Variants in ERBB2 observed in about 807,000 individuals in gnomAD.
ERBB2 encodes the protein receptor tyrosine-protein kinase erbB-2.
A neutral mutation model predicts 149.0 loss-of-function variants in ERBB2; 61 were observed. The ratio of observed to expected loss-of-function variants is 0.41; its 90% CI spans 0.33 to 0.51. The LOEUF is 0.51. Ranked by LOEUF, ERBB2 falls within the 20% of genes least tolerant of loss-of-function variation. ERBB2 has a pLI of 0.25. For synonymous variants in ERBB2, 633 were observed against 678.8 expected (o/e 0.93, Z 1.05); for missense variants, 1,205 against 1,655.1 (o/e 0.73, Z 4.72).
upstream of ERBB2, among the ~76,000 whole-genome samples, chr17:39,698,460 C>T (rs1284781618): frequency 2.0e-5 from 3 of 151,996 alleles, no homozygotes; most frequent in African/African-American, 4.8e-5. Flanking sequence ...AGGGTTTCAC[C>T]GTGTTAGCCA....
At chr17:39,691,924 TATACATATAC>T (rs1465321874), upstream of ERBB2, among the ~76,000 whole-genome samples, 6 of 102,124 alleles carry the variant, frequency 5.9e-5, no homozygotes, top group South Asian at 4.1e-4. Context: ...TACATATACA[TATACATATAC>T]ATATATATAT....
In ERBB2 at chr17:39,724,869, G is replaced by A. The variant is rs768470177; in HGVS notation, c.2451G>A (p.Leu817=). The part of the protein sequence containing the change: ...LDHVRENRGR[L]GSQDLLNWCM... ...ATGTCCGGGAAAACCGCGGACGCCT[G>A]GGCTCCCAGGACCTGCTGAACTGGT... The change falls in exon 20 of 27, where the codon CTG becomes CTA. Residue 817 remains leucine, a synonymous_variant. Coordinates refer to ENST00000269571, the MANE Select transcript of ERBB2 (RefSeq NM_004448.4). 1.2e-6 allele frequency: 2 copies of A among 1,614,180 alleles called. No individual in the cohort carries two copies. Among genetic ancestry groups the A allele is most frequent in the Non-Finnish European group, 8.5e-7 (1 of 1,180,040 alleles).
chr17:39,711,938 T>G lies in ERBB2; in HGVS notation c.912T>G (p.Leu304=). ...TCCTGATCTCCTTAGACAACTACCT[T>G]TCTACGGACGTGGGATCCTGCACCC... ...SCVTACPYNY[L]STDVGSCTLV... is the part of the protein sequence containing the mutation. Residue 304 remains leucine (L), a synonymous_variant, in exon 8 of 27, where the codon CTT becomes CTG. Coordinates refer to ENST00000269571, the MANE Select transcript of ERBB2 (RefSeq NM_004448.4). 6.2e-7 allele frequency: 1 copy of G among 1,614,108 alleles called. No individual in the cohort carries two copies. Among genetic ancestry groups the G allele is most frequent in the Non-Finnish European group, 8.5e-7 (1 of 1,179,988 alleles).
chr17:39,716,218 C>G (rs1235523623), intron 12 of ERBB2, 83 bp from the exon 13 acceptor site: 1 of 1,450,410 alleles, frequency 6.9e-7, no homozygotes, highest in Non-Finnish European at 9.2e-7. Flanking sequence ...AGCCCACAGC[C>G]ATGCCCACAG....
At chr17:39,691,574 T>TATATAC (rs1244087250), upstream of ERBB2, among the ~76,000 whole-genome samples, 9 of 122,044 alleles carry the variant, frequency 7.4e-5, no homozygotes, top group African/African-American at 3.6e-4. Flanking sequence ...TATATATATA[T>TATATAC]ACACACACAC....
At chr17:39,694,262 T>TATATACAC (rs1567888141), upstream of ERBB2, among the ~76,000 whole-genome samples, 5 of 28,896 alleles carry the variant, frequency 1.7e-4, no homozygotes, top group African/African-American at 4.2e-4. Context: ...TATATATATA[T>TATATACAC]ATATATGTGT....
At chr17:39,719,711 G>A (rs761655689) in intron 15 of ERBB2, 76 bp from the exon 16 acceptor site, 77 of 1,464,978 alleles carry the variant, frequency 5.3e-5, no homozygotes, top group Non-Finnish European at 7.2e-5. Context: ...CCCCTCCCAG[G>A]GTTGTTGTGA....
upstream of ERBB2, chr17:39,696,453 G>C (rs1439664938): frequency 6.6e-6 from 1 of 152,280 alleles, no homozygotes; most frequent in Non-Finnish European, 1.5e-5. Flanking sequence ...GCGGGGGGGT[G>C]GAGAGTGAAG....
At chr17:39,721,526 G>A (rs9891211) in intron 16 of ERBB2, among the ~76,000 whole-genome samples, 1,554 of 152,184 alleles carry the variant, frequency 0.01, 20 homozygotes, top group African/African-American at 0.034. Context: ...CACCTGCCTC[G>A]GCCTCCCAAA....
At position 39,727,436 on chromosome 17, in the gene ERBB2, C is replaced by T. The variant is rs1364114001; in HGVS notation, c.3301C>T (p.Leu1101Phe). Residue 1101 changes from leucine (L) to phenylalanine (F), a missense_variant, in exon 26 of 27, where the codon CTC becomes TTC. Physicochemically the swap from Leu to Phe is conservative, Grantham distance 22. Around this residue, in one of 6 missense-constraint regions of ERBB2, gnomAD observed 312 missense variants for 343.8 expected, o/e 0.91. Transcript: ENST00000269571. The surrounding 1 kb of genome is among the most constrained non-coding windows in gnomAD (Gnocchi z 4.3). ...GMGAAKGLQSLPTHDPSPLQR... is the reference protein window; with the variant it reads ...GMGAAKGLQSFPTHDPSPLQR... ...GGGGGCAGCCAAGGGGCTGCAAAGC[C>T]TCCCCACACATGACCCCAGCCCTCT... is the stretch of plus-strand genomic sequence containing the variant. 7 of 1,611,538 alleles carry T rather than the reference C, an allele frequency of 4.3e-6. No individual in the cohort carries two copies. Among genetic ancestry groups the T allele is most frequent in the East Asian group, 2.2e-5 (1 of 44,856 alleles).
intron 1 of ERBB2, among the ~76,000 whole-genome samples, chr17:39,703,656 G>C (rs914842596): frequency 2.6e-5 from 4 of 152,238 alleles, no homozygotes; most frequent in Non-Finnish European, 4.4e-5. Context: ...AGATGAATCC[G>C]ATTTAGCTTC....
At position 39,700,125 on chromosome 17, in the gene ERBB2, C is replaced by G. The variant is rs2057993573; in HGVS notation, c.-114C>G. On this transcript the variant is annotated 5_prime_UTR_variant, in exon 1 of 27. Transcript: ENST00000269571. The stretch of plus-strand genomic sequence containing the variant: ...CCGGGCAGCCGCGCGCCCCTTCCCA[C>G]GGGGCCCTTTACTGCGCCGCGCGCC... 7.7e-7 allele frequency: 1 copy of G among 1,297,504 alleles called. No homozygotes were observed. Among genetic ancestry groups the G allele is most frequent in the South Asian group, 2.4e-5 (1 of 41,562 alleles). The allele number at this position is 1,297,504 out of a possible 1,614,324, so 80.4% of individuals were successfully genotyped here. A position where few individuals can be genotyped will look rare whatever the true frequency, so the allele number is the denominator to read the frequency against.
upstream of ERBB2, among the ~76,000 whole-genome samples, chr17:39,691,934 C>CATATACATATATATATATATATATATAT (rs564472045): frequency 4.1e-5 from 5 of 120,882 alleles, no homozygotes; most frequent in African/African-American, 1.4e-4. Context: ...TATACATATA[C>CATATACATATATATATATATATATATAT]ATATATATAT....
At position 39,728,422 on chromosome 17, in the gene ERBB2, C is replaced by G. The variant is rs1165818349; in HGVS notation, c.*378C>G. 3.7e-6 allele frequency: 1 copy of G among 267,056 alleles called. No homozygotes were observed. The highest frequency in any genetic ancestry group is 7.1e-6 in the Non-Finnish European group (1 of 140,764). The allele number at this position is 267,056 out of a possible 1,614,324, so 16.5% of individuals were successfully genotyped here. A position where few individuals can be genotyped will look rare whatever the true frequency, so the allele number is the denominator to read the frequency against. ...GGAGTGTCTAAGAACAAAAGCGACC[C>G]ATTCAGAGACTGTCCCTGAAACCTA... On this transcript the variant is annotated 3_prime_UTR_variant, in exon 27 of 27. Coordinates refer to ENST00000269571, the MANE Select transcript of ERBB2 (RefSeq NM_004448.4).
upstream of ERBB2, among the ~76,000 whole-genome samples, chr17:39,691,904 T>TAGATATAGATATAGATATAGATAC (rs1386573320): frequency 5.2e-5 from 6 of 114,536 alleles, 1 homozygote; most frequent in African/African-American, 1.4e-4. Flanking sequence ...GATATAGATA[T>TAGATATAGATATAGATATAGATAC]ATATACATAT....
In ERBB2 at chr17:39,725,814, C is replaced by T. The variant is rs772452342; in HGVS notation, c.2833C>T (p.Pro945Ser). Residue 945 changes from proline (P) to serine (S), a missense_variant, in exon 23 of 27, where the codon CCC (proline) becomes TCC (serine). Physicochemically the swap from Pro to Ser is moderately conservative, Grantham distance 74. Transcript: ENST00000269571. This position sits in a 1 kb window ranked among gnomAD's most constrained non-coding sequence, Gnocchi z 4.6. ...LEKGERLPQP[P>S]ICTIDVYMIM... Reference sequence around the variant, plus strand: ...AAAGGGGGAGCGGCTGCCCCAGCCCCCCATCTGCACCATTGATGTCTACAT... The same window carrying T: ...AAAGGGGGAGCGGCTGCCCCAGCCCTCCATCTGCACCATTGATGTCTACAT... 3.1e-6 allele frequency: 5 copies of T among 1,613,760 alleles called. No homozygotes were observed. Among genetic ancestry groups the T allele is most frequent in the South Asian group, 1.1e-5 (1 of 91,068 alleles).
rs2058583982 is a variant in ERBB2 at position 39,708,313 on chromosome 17, C to T, written c.226-8C>T. 1 of 1,610,612 alleles carries T rather than the reference C, an allele frequency of 6.2e-7. No individual in the cohort carries two copies. The highest frequency in any genetic ancestry group is 8.5e-7 in the Non-Finnish European group (1 of 1,177,204). The stretch of plus-strand genomic sequence containing the variant: ...CTATTTCAGCCCCACTCTGCTTCCC[C>T]CTCCCAGGATATCCAGGAGGTGCAG... On this transcript the variant is annotated splice_region_variant and splice_polypyrimidine_tract_variant and intron_variant, in intron 2 of 26. Transcript: ENST00000269571.
rs180796845 is a variant in ERBB2 at position 39,708,185 on chromosome 17, G to A, written c.226-136G>A. Reference sequence around the variant, plus strand: ...GCGTGATCTTTATCTCTATTTTATCGTTTTATTTAAGCGGGAACAGGACTG... The same window carrying A: ...GCGTGATCTTTATCTCTATTTTATCATTTTATTTAAGCGGGAACAGGACTG... On this transcript the variant is annotated intron_variant, in intron 2 of 26. Coordinates refer to ENST00000269571, the MANE Select transcript of ERBB2 (RefSeq NM_004448.4). 1,684 of 611,710 alleles carry A rather than the reference G, an allele frequency of 2.8e-3. 10 individuals carry two copies. The highest frequency in any genetic ancestry group is 4.2e-3 in the Non-Finnish European group (1,462 of 348,446). The allele number at this position is 611,710 out of a possible 1,614,324, so 37.9% of individuals were successfully genotyped here. A position where few individuals can be genotyped will look rare whatever the true frequency, so the allele number is the denominator to read the frequency against.
chr17:39,710,238 C>T (rs1249840752), intron 6 of ERBB2, 37 bp downstream of exon 6: 2 of 1,608,654 alleles, frequency 1.2e-6, no homozygotes, highest in East Asian at 2.2e-5. Flanking sequence ...GTGCTCTACC[C>T]CCCAGGATGC....
Sources: gnomAD v4.1 joint callset for allele counts (sites outside exome capture counted in the v4.1 genomes callset) on GRCh38, gnomAD v4.1.1 for gene constraint, gnomAD v4.1.1 regional missense constraint, Gnocchi (gnomAD v3.1) non-coding constraint, MANE v1.5 for transcripts, NCBI Gene and HGNC (gene_info 2026-07-23, HGNC 2026-07-21) for gene names.